Variants in MSL2 observed in about 807,000 individuals in gnomAD.
MSL2 encodes the protein MSL complex subunit 2.
In MSL2, 2 loss-of-function variants were observed where a neutral mutation model predicts 35.8. The observed-to-expected ratio is 0.06, with a 90% CI of 0.02 to 0.18. MSL2 has a LOEUF of 0.18. Among genes scored for constraint, MSL2 ranks in the 10% least tolerant of loss-of-function variants. The pLI is 1.00. For missense variants in MSL2, 523 were observed against 706.7 expected, an observed-to-expected ratio of 0.74 and a Z score of 2.95; for synonymous variants, 296 against 255.7, an observed-to-expected ratio of 1.16 and a Z score of -1.50.
intron 1 of MSL2, among the ~76,000 whole-genome samples, chr3:136,154,129 TC>T (rs1939451743): frequency 1.3e-5 from 2 of 150,978 alleles, no homozygotes; most frequent in East Asian, 1.9e-4. Context: ...AGAACTATGT[TC>T]AACTACATTA....
rs768390336 is a variant in MSL2 at position 136,151,748 on chromosome 3, C to T, written c.1133G>A (p.Ser378Asn). The part of the protein sequence containing the change: ...ASAPVTVKRE[S>N]KISLQPIATV... Reference sequence around the variant, plus strand: ...TGCTATAGGTTGAAGAGAAATTTTGCTCTCCCGTTTCACTGTCACAGGAGC... The same window carrying T: ...TGCTATAGGTTGAAGAGAAATTTTGTTCTCCCGTTTCACTGTCACAGGAGC... Residue 378 changes from serine (S) to asparagine (N), a missense_variant, in exon 2 of 2, where the codon AGC becomes AAC. Around this residue, in one of 5 missense-constraint regions of MSL2, gnomAD observed 361 missense variants for 414.6 expected, o/e 0.87. Coordinates refer to ENST00000309993, the MANE Select transcript of MSL2 (RefSeq NM_018133.4). This position sits in a 1 kb window ranked among gnomAD's most constrained non-coding sequence, Gnocchi z 5.2. The T allele has an allele frequency of 1.2e-6, 2 of 1,614,184 alleles. No homozygotes were observed. Among genetic ancestry groups the T allele is most frequent in the East Asian group, 2.2e-5 (1 of 44,884 alleles).
At chr3:136,164,996 C>T (rs914423999) in intron 1 of MSL2, among the ~76,000 whole-genome samples, 1 of 152,042 alleles carries the variant, frequency 6.6e-6, no homozygotes, top group Non-Finnish European at 1.5e-5. Flanking sequence ...GCCTCAGCCT[C>T]CCGAGCAGCT....
intron 1 of MSL2, among the ~76,000 whole-genome samples, chr3:136,159,282 T>C (rs1440894404): frequency 6.6e-6 from 1 of 151,664 alleles, no homozygotes; most frequent in East Asian, 1.9e-4. Flanking sequence ...AGAAACAAAT[T>C]ATTACATTTA....
In MSL2 at chr3:136,149,743, G is replaced by A. The variant is rs998409751; in HGVS notation, c.*1404C>T. On this transcript the variant is annotated 3_prime_UTR_variant, in exon 2 of 2. Transcript: ENST00000309993. ...TTCTTCTCCATGTCTTGTACTAGGC[G>A]AGTAACCATCATTGAACATGCTGTG... The A allele has an allele frequency of 6.6e-6, 1 of 152,144 alleles. No individual in the cohort carries two copies. The highest frequency in any genetic ancestry group is 1.5e-5 in the Non-Finnish European group (1 of 68,022). The allele number at this position is 152,144 out of a possible 1,614,324, so 9.4% of individuals were successfully genotyped here.
chr3:136,150,004 T>G lies in MSL2; in HGVS notation c.*1143A>C, dbSNP rs556003134. The G allele has an allele frequency of 1.2e-4, 19 of 152,786 alleles. No homozygotes were observed. The highest frequency in any genetic ancestry group is 5.9e-4 in the Admixed American group (9 of 15,298). 9.5% of individuals were successfully genotyped at this position (152,786 alleles called of 1,614,324 possible). A position where few individuals can be genotyped will look rare whatever the true frequency, so the allele number is the denominator to read the frequency against. Reference sequence around the variant, plus strand: ...TTCAACAGAATGTTTGTGACTCACTTGTCTTCCCCATAAAAATTAACCGGA... The same window carrying G: ...TTCAACAGAATGTTTGTGACTCACTGGTCTTCCCCATAAAAATTAACCGGA... On this transcript the variant is annotated 3_prime_UTR_variant, in exon 2 of 2. Coordinates refer to ENST00000309993, the MANE Select transcript of MSL2 (RefSeq NM_018133.4).
chr3:136,169,425 A>G (rs557243805), intron 1 of MSL2, among the ~76,000 whole-genome samples: 1 of 151,974 alleles, frequency 6.6e-6, no homozygotes, highest in East Asian at 1.9e-4. Flanking sequence ...ATCCACTCCT[A>G]TTATTGGTTT....
chr3:136,156,988 G>C (rs914555199), intron 1 of MSL2, among the ~76,000 whole-genome samples: 1 of 152,126 alleles, frequency 6.6e-6, no homozygotes, highest in African/African-American at 2.4e-5. Flanking sequence ...ATATTGTAAA[G>C]CCCATTTTTA....
Position 136,195,353 on chromosome 3 carries a change from C to T in MSL2, c.-240G>A. 7.8e-7 allele frequency: 1 copy of T among 1,285,776 alleles called. No homozygotes were observed. The highest frequency in any genetic ancestry group is 1.9e-5 in the South Asian group (1 of 52,070). The allele number at this position is 1,285,776 out of a possible 1,614,324, so 79.6% of individuals were successfully genotyped here. A position where few individuals can be genotyped will look rare whatever the true frequency, so the allele number is the denominator to read the frequency against. ...CAGACCAAAAATATGAGAGAGAAAC[C>T]AGCGTTCGAGTTCGTCCGGAGCGAC... On this transcript the variant is annotated 5_prime_UTR_variant, in exon 1 of 2. Transcript: ENST00000309993.
intron 1 of MSL2, among the ~76,000 whole-genome samples, chr3:136,188,431 T>C (rs373237428): frequency 7.1e-6 from 1 of 139,976 alleles, no homozygotes; most frequent in East Asian, 2.1e-4. Flanking sequence ...AGACTCCATC[T>C]GGAAGAAGAA....
intron 1 of MSL2, among the ~76,000 whole-genome samples, chr3:136,185,255 C>A (rs140283891): frequency 0.016 from 2,398 of 149,208 alleles, 62 homozygotes; most frequent in African/African-American, 0.057. Context: ...GGATTACAGG[C>A]ATGAGCCACT....
intron 1 of MSL2, among the ~76,000 whole-genome samples, chr3:136,188,050 G>A (rs1940572890): frequency 6.6e-6 from 1 of 152,104 alleles, no homozygotes; most frequent in Admixed American, 6.5e-5. Context: ...TATAGGGCAA[G>A]GGCTCTCCTA....
At chr3:136,188,896 C>G (rs1189563967) in intron 1 of MSL2, among the ~76,000 whole-genome samples, 2 of 151,832 alleles carry the variant, frequency 1.3e-5, no homozygotes, top group Non-Finnish European at 2.9e-5. Flanking sequence ...TTCAACTTAT[C>G]ATAAGATGAA....
chr3:136,182,194 G>C (rs937493884), intron 1 of MSL2, among the ~76,000 whole-genome samples: 1 of 152,156 alleles, frequency 6.6e-6, no homozygotes, highest in African/African-American at 2.4e-5. Flanking sequence ...TGGCTACTGA[G>C]CATTTACAAT....
chr3:136,185,518 C>T (rs904112786), intron 1 of MSL2, among the ~76,000 whole-genome samples: 2 of 126,794 alleles, frequency 1.6e-5, no homozygotes, highest in Admixed American at 1.1e-4. Flanking sequence ...TGGGACACAA[C>T]TCTTTTTTTC....
intron 1 of MSL2, among the ~76,000 whole-genome samples, chr3:136,186,394 T>G (rs1162843741): frequency 6.6e-6 from 1 of 152,060 alleles, no homozygotes; most frequent in Admixed American, 6.6e-5. Context: ...TAATCAGGGG[T>G]CCCTAAGCCT....
intron 1 of MSL2, among the ~76,000 whole-genome samples, chr3:136,159,970 C>T (rs1939653916): frequency 6.6e-6 from 1 of 151,764 alleles, no homozygotes; most frequent in Non-Finnish European, 1.5e-5. Flanking sequence ...CAAAAGACAC[C>T]ATTAAGAAAA....
At chr3:136,175,024 C>A (rs1286215726) in intron 1 of MSL2, among the ~76,000 whole-genome samples, 1 of 152,150 alleles carries the variant, frequency 6.6e-6, no homozygotes, top group African/African-American at 2.4e-5. Flanking sequence ...CACTCTATTT[C>A]TCTTGTGGTA....
rs9854241 is a variant in MSL2 at position 136,193,533 on chromosome 3, T to C, written c.142+1439A>G. ...AAAAAGTATATGGAGAAGGAAGTTA[T>C]GGCAGCTCCATTTCCTCAGTCCTCA... On this transcript the variant is annotated intron_variant, in intron 1 of 1. Coordinates refer to ENST00000309993, the MANE Select transcript of MSL2 (RefSeq NM_018133.4). Among the ~76,000 whole-genome samples the C allele has an allele frequency of 8.7e-4, 132 of 151,718 alleles. 3 individuals are homozygous for C. The highest frequency in any genetic ancestry group is 1.6e-3 in the Admixed American group (24 of 15,216).
chr3:136,159,364 T>A (rs966772695), intron 1 of MSL2, among the ~76,000 whole-genome samples: 1 of 130,208 alleles, frequency 7.7e-6, no homozygotes, highest in Non-Finnish European at 1.6e-5. Flanking sequence ...CTTTTTTTTT[T>A]TTTTTTTTTT....
Sources: gnomAD v4.1 joint callset for allele counts (sites outside exome capture counted in the v4.1 genomes callset) on GRCh38, gnomAD v4.1.1 for gene constraint, gnomAD v4.1.1 regional missense constraint, Gnocchi (gnomAD v3.1) non-coding constraint, MANE v1.5 for transcripts, NCBI Gene and HGNC (gene_info 2026-07-23, HGNC 2026-07-21) for gene names.